LUZP2: variants seen among roughly 807,000 people sequenced by gnomAD.
LUZP2 encodes leucine zipper protein 2.
Under a neutral mutation model 51.6 loss-of-function variants are expected in LUZP2, and 52 were observed. The ratio of observed to expected loss-of-function variants is 1.01; its 90% CI spans 0.81 to 1.27. LUZP2 has a LOEUF of 1.27. LUZP2 is among the 50% of genes most tolerant of loss of function. The pLI is 0.00. For missense variants in LUZP2, 436 were observed against 395.4 expected, an observed-to-expected ratio of 1.10 and a Z score of -0.87; for synonymous variants, 154 against 137.3, an observed-to-expected ratio of 1.12 and a Z score of -0.85.
chr11:24,715,261 CTA>C lies in LUZP2; in HGVS notation c.63-13906_63-13905del, dbSNP rs1429542670. Among the ~76,000 whole-genome samples the C allele has an allele frequency of 2.6e-3, 190 of 73,592 alleles. 1 individual carries two copies. The highest frequency in any genetic ancestry group is 6.3e-3 in the African/African-American group (147 of 23,200). 48.3% of individuals were successfully genotyped at this position (73,592 alleles called of 152,430 possible). On this transcript the variant is annotated intron_variant, in intron 1 of 11. Transcript: ENST00000336930. ...TTATGGTATCCAATTCAAGGAGCAA[CTA>C]TGTGTGTGTGTGTGTGTGTGTGTGT...
chr11:24,927,470 T>C (rs1054376595), intron 7 of LUZP2, among the ~76,000 whole-genome samples: 2 of 151,396 alleles, frequency 1.3e-5, no homozygotes, highest in Non-Finnish European at 3.0e-5. Context: ...CATTCTCCTA[T>C]TATGTGGCTT....
intron 5 of LUZP2, among the ~76,000 whole-genome samples, chr11:24,861,228 A>G (rs1036761693): frequency 6.6e-6 from 1 of 152,128 alleles, no homozygotes; most frequent in Admixed American, 6.5e-5. Flanking sequence ...CCTTGCTGAA[A>G]TAAGACATGC....
chr11:24,751,708 T>TA (rs200341886), intron 4 of LUZP2, among the ~76,000 whole-genome samples: 7,473 of 130,310 alleles, frequency 0.057, 208 homozygotes, highest in Non-Finnish European at 0.079. Context: ...AATTGAAAAT[T>TA]AAAAAAAAAA....
chr11:24,790,197 G>A (rs965040043), intron 5 of LUZP2, among the ~76,000 whole-genome samples: 39 of 151,498 alleles, frequency 2.6e-4, no homozygotes, highest in African/African-American at 4.9e-5. Context: ...GCCTTTTTTT[G>A]TGTTCCTTTT....
chr11:25,042,732 T>C (rs1161831656), intron 9 of LUZP2, among the ~76,000 whole-genome samples: 1 of 152,182 alleles, frequency 6.6e-6, no homozygotes, highest in Admixed American at 6.6e-5. Flanking sequence ...TGGGGATACC[T>C]GGGCTTGTGG....
chr11:25,005,787 C>T (rs1226138772), intron 9 of LUZP2, among the ~76,000 whole-genome samples: 2 of 152,034 alleles, frequency 1.3e-5, no homozygotes, highest in African/African-American at 4.8e-5. Context: ...TCTCGAAAAC[C>T]TGTACCCTGT....
intron 5 of LUZP2, among the ~76,000 whole-genome samples, chr11:24,822,324 G>A (rs12270096): frequency 6.6e-6 from 1 of 151,954 alleles, no homozygotes; most frequent in Non-Finnish European, 1.5e-5. Context: ...GCTACTTTTA[G>A]CCTTCTGAGC....
intron 5 of LUZP2, among the ~76,000 whole-genome samples, chr11:24,764,716 A>T (rs1215190229): frequency 1.3e-5 from 2 of 151,832 alleles, no homozygotes; most frequent in Non-Finnish European, 2.9e-5. Flanking sequence ...AAAACCTACC[A>T]GGCTGGCTCA....
chr11:24,621,019 A>C (rs1352467205), intron 1 of LUZP2, among the ~76,000 whole-genome samples: 1 of 152,118 alleles, frequency 6.6e-6, no homozygotes, highest in African/African-American at 2.4e-5. Flanking sequence ...ATGGGTTAAC[A>C]CATATGTCAT....
chr11:24,673,406 C>G (rs905247699), intron 1 of LUZP2, among the ~76,000 whole-genome samples: 1 of 152,042 alleles, frequency 6.6e-6, no homozygotes, highest in Admixed American at 6.6e-5. Context: ...TTCTCTACAC[C>G]AGCTTTAGTC....
chr11:24,773,547 T>TG lies in LUZP2; in HGVS notation c.396+10242dup, dbSNP rs542021109. On this transcript the variant is annotated intron_variant, in intron 5 of 11. Transcript: ENST00000336930. ...AGTAACTCTGAAGGATGAGACAGAG[T>TG]GGGCTGTTCAAAAGAATGAGCCATC... 5.3e-5 allele frequency among the ~76,000 whole-genome samples: 8 copies of TG among 152,104 alleles called. No homozygotes were observed. In the South Asian group the frequency reaches 1.7e-3, roughly 32 times the overall value.
In LUZP2 at chr11:24,786,281, G is replaced by A. The variant is rs906182904; in HGVS notation, c.396+22973G>A. The A allele has an allele frequency of 8.2e-6, 8 of 973,278 alleles. No homozygotes were observed. In the Admixed American group the frequency reaches 4.3e-4, roughly 53 times the overall value. The allele number at this position is 973,278 out of a possible 1,614,324, so 60.3% of individuals were successfully genotyped here. A position where few individuals can be genotyped will look rare whatever the true frequency, so the allele number is the denominator to read the frequency against. On this transcript the variant is annotated intron_variant, in intron 5 of 11. Transcript: ENST00000336930. ...TTTGATATAAAAATTATAAAATACAGGAACATAGAAAATAGTATGTTTTAT... is the reference window on the plus strand; with the variant it reads ...TTTGATATAAAAATTATAAAATACAAGAACATAGAAAATAGTATGTTTTAT...
chr11:24,710,479 A>G (rs1857768146), intron 1 of LUZP2, among the ~76,000 whole-genome samples: 1 of 152,194 alleles, frequency 6.6e-6, no homozygotes, highest in Non-Finnish European at 1.5e-5. Flanking sequence ...TTCTGTATAG[A>G]TACATGAAGT....
intron 9 of LUZP2, among the ~76,000 whole-genome samples, chr11:24,999,550 T>A (rs1224741566): frequency 6.6e-6 from 1 of 151,950 alleles, no homozygotes; most frequent in Non-Finnish European, 1.5e-5. Flanking sequence ...GTAACACTCC[T>A]TTTAGTAGAG....
intron 1 of LUZP2, among the ~76,000 whole-genome samples, chr11:24,602,016 G>A (rs181180605): frequency 7.7e-6 from 1 of 129,536 alleles, no homozygotes; most frequent in African/African-American, 2.8e-5. Context: ...ATGTATATAT[G>A]TATATATGTG....
At chr11:24,904,753 A>C (rs2133785599) in intron 5 of LUZP2, among the ~76,000 whole-genome samples, 1 of 152,226 alleles carries the variant, frequency 6.6e-6, no homozygotes, top group East Asian at 1.9e-4. Context: ...AGAAGTAGTA[A>C]ATCCTTACCT....
At chr11:24,908,960 A>G (rs1259303602) in intron 6 of LUZP2, among the ~76,000 whole-genome samples, 1 of 151,478 alleles carries the variant, frequency 6.6e-6, no homozygotes, top group Admixed American at 6.6e-5. Context: ...ACAGGGTTTC[A>G]CTGTGTTAGC....
chr11:24,693,427 A>G (rs911453183), intron 1 of LUZP2, among the ~76,000 whole-genome samples: 14 of 151,754 alleles, frequency 9.2e-5, no homozygotes, highest in Non-Finnish European at 2.1e-4. Context: ...TATATGATTT[A>G]AGAGATTGAG....
intron 7 of LUZP2, among the ~76,000 whole-genome samples, chr11:24,967,455 C>A (rs1011695973): frequency 2.6e-5 from 4 of 151,832 alleles, no homozygotes; most frequent in African/African-American, 9.7e-5. Flanking sequence ...CCTAACAATT[C>A]TGAATGCATT....
Sources: gnomAD v4.1 joint callset for allele counts (sites outside exome capture counted in the v4.1 genomes callset) on GRCh38, gnomAD v4.1.1 for gene constraint, MANE v1.5 for transcripts, NCBI Gene and HGNC (gene_info 2026-07-23, HGNC 2026-07-21) for gene names.